TENM2: variants seen among roughly 807,000 people sequenced by gnomAD.
TENM2 encodes teneurin transmembrane protein 2, also known as teneurin-2.
In TENM2, 52 loss-of-function variants were observed where a neutral mutation model predicts 245.2. The ratio of observed to expected loss-of-function variants is 0.21; its 90% CI spans 0.17 to 0.27. The LOEUF is 0.27. Among genes scored for constraint, TENM2 ranks in the 10% least tolerant of loss-of-function variants. The pLI is 1.00. For missense variants in TENM2, 3,046 were observed against 3,666.8 expected, an observed-to-expected ratio of 0.83 and a Z score of 4.37; for synonymous variants, 1,363 against 1,438.9, an observed-to-expected ratio of 0.95 and a Z score of 1.19.
chr5:167,943,731 G>C (rs905812148), intron 3 of TENM2, among the ~76,000 whole-genome samples: 14 of 152,046 alleles, frequency 9.2e-5, no homozygotes, highest in South Asian at 2.1e-4. Flanking sequence ...ATAACGTCTG[G>C]GCATATTAAT....
In TENM2 at chr5:167,452,948, T is replaced by TATTTTAA. The variant is rs1554157744; in HGVS notation, c.502+77477_502+77478insTTTAAAT. Among the ~76,000 whole-genome samples, 271 of 47,528 alleles carry TATTTTAA rather than the reference T, an allele frequency of 5.7e-3. 24 individuals are homozygous for TATTTTAA. The highest frequency in any genetic ancestry group is 0.011 in the South Asian group (16 of 1,420). 31.2% of individuals were successfully genotyped at this position (47,528 alleles called of 152,430 possible). A position where few individuals can be genotyped will look rare whatever the true frequency, so the allele number is the denominator to read the frequency against. ...AGTATGATTTATATATATATATATA[T>TATTTTAA]ATATATATATATATTTAAAAAAAAA... On this transcript the variant is annotated intron_variant, in intron 2 of 28. Transcript: ENST00000518659.
At chr5:167,100,879 C>T in the TENM2 span, among the ~76,000 whole-genome samples, 1 of 152,154 alleles carries the variant, frequency 6.6e-6, no homozygotes, top group Non-Finnish European at 1.5e-5. Context: ...GATCTAAATA[C>T]TACAAGGTGA....
chr5:167,711,460 A>G (rs1582815934), intron 2 of TENM2, among the ~76,000 whole-genome samples: 2 of 152,122 alleles, frequency 1.3e-5, no homozygotes, highest in South Asian at 2.1e-4. Flanking sequence ...CAGCTAGTCA[A>G]TCTTCCCATC....
chr5:167,560,240 G>A (rs969095637), intron 2 of TENM2, among the ~76,000 whole-genome samples: 3 of 152,138 alleles, frequency 2.0e-5, no homozygotes, highest in Non-Finnish European at 2.9e-5. Flanking sequence ...TACATTGAAG[G>A]CTGTGGTCCC....
the TENM2 span, among the ~76,000 whole-genome samples, chr5:167,128,513 A>T: frequency 2.0e-4 from 30 of 151,642 alleles, no homozygotes; most frequent in East Asian, 5.1e-3. Flanking sequence ...TGGCCCACAG[A>T]TCTCACTTTG....
At chr5:167,290,520 T>A (rs986650371) in intron 1 of TENM2, among the ~76,000 whole-genome samples, 1 of 152,182 alleles carries the variant, frequency 6.6e-6, no homozygotes, top group African/African-American at 2.4e-5. Context: ...GCAACAGAAA[T>A]TTTTCTTTCC....
intron 2 of TENM2, among the ~76,000 whole-genome samples, chr5:167,425,758 C>CTGA (rs1292338176): frequency 1.3e-4 from 20 of 151,980 alleles, no homozygotes; most frequent in South Asian, 2.1e-4. Context: ...GCTGCTGCTG[C>CTGA]TGCTGATGAT....
At chr5:167,926,320 C>T (rs1409862416) in intron 3 of TENM2, among the ~76,000 whole-genome samples, 1 of 152,016 alleles carries the variant, frequency 6.6e-6, no homozygotes, top group East Asian at 1.9e-4. Flanking sequence ...TTAAATACTC[C>T]TCAACTTGTC....
intron 27 of TENM2, among the ~76,000 whole-genome samples, chr5:168,259,518 G>A (rs1767993872): frequency 6.6e-6 from 1 of 152,184 alleles, no homozygotes; most frequent in South Asian, 2.1e-4. Flanking sequence ...AACCTGGGAG[G>A]CGGAGTTTGC....
the TENM2 span, among the ~76,000 whole-genome samples, chr5:167,197,561 A>G: frequency 6.6e-6 from 1 of 152,034 alleles, no homozygotes; most frequent in Non-Finnish European, 1.5e-5. Flanking sequence ...TTTCATTGTA[A>G]ACTGCATTTG....
chr5:167,985,516 T>C (rs1783178303), intron 4 of TENM2, among the ~76,000 whole-genome samples: 1 of 152,216 alleles, frequency 6.6e-6, no homozygotes, highest in African/African-American at 2.4e-5. Context: ...GAACAACATG[T>C]CAGTCTGCTC....
the TENM2 span, among the ~76,000 whole-genome samples, chr5:167,066,265 G>A: frequency 6.6e-6 from 1 of 152,100 alleles, no homozygotes; most frequent in Non-Finnish European, 1.5e-5. Context: ...GTAGGATGGG[G>A]CATCAGTTAA....
rs551924865 is a variant in TENM2 at position 167,611,936 on chromosome 5, T to C, written c.502+236463T>C. Among the ~76,000 whole-genome samples, 8 of 152,234 alleles carry C rather than the reference T, an allele frequency of 5.3e-5. No individual in the cohort carries two copies. The South Asian group carries it at 1.7e-3, about 32-fold the overall frequency. The stretch of plus-strand genomic sequence containing the variant: ...ATTTTGGCGAGACACATTCAGACCA[T>C]AGCAAATGATAACAAGTCACATTTT... On this transcript the variant is annotated intron_variant, in intron 2 of 28. Transcript: ENST00000518659.
At chr5:167,224,630 T>C in the TENM2 span, among the ~76,000 whole-genome samples, 6 of 152,012 alleles carry the variant, frequency 3.9e-5, no homozygotes, top group African/African-American at 1.2e-4. Flanking sequence ...GTGATGTCTC[T>C]AGCCTTGTTC....
the TENM2 span, among the ~76,000 whole-genome samples, chr5:167,275,167 T>A: frequency 6.6e-6 from 1 of 152,086 alleles, no homozygotes; most frequent in South Asian, 2.1e-4. Context: ...TAAAAATCAG[T>A]TGGACATAGC....
At chr5:167,610,444 TG>T (rs1777399824) in intron 2 of TENM2, among the ~76,000 whole-genome samples, 1 of 152,156 alleles carries the variant, frequency 6.6e-6, no homozygotes, top group Non-Finnish European at 1.5e-5. Context: ...ATGATCTTTC[TG>T]GTGAACAGTC....
Position 168,123,136 on chromosome 5 carries a change from A to G in TENM2, c.2009-1714A>G, listed in dbSNP as rs68102428. Among the ~76,000 whole-genome samples, 26 of 32,910 alleles carry G rather than the reference A, an allele frequency of 7.9e-4. 1 individual carries two copies. Among genetic ancestry groups the G allele is most frequent in the African/African-American group, 1.3e-3 (11 of 8,630 alleles). 21.6% of individuals were successfully genotyped at this position (32,910 alleles called of 152,430 possible). On this transcript the variant is annotated intron_variant, in intron 10 of 28. Transcript: ENST00000518659. ...ACATAGCAAGACCCCATTTCTAGAG[A>G]AAAAAAAAAAAACATAGCTGGACAT...
chr5:168,032,532 G>C (rs961706314), intron 5 of TENM2, among the ~76,000 whole-genome samples: 2 of 152,130 alleles, frequency 1.3e-5, no homozygotes, highest in African/African-American at 4.8e-5. Context: ...TGTTAGTATT[G>C]CCCTGGAATA....
chr5:167,486,475 C>T (rs1768083375), intron 2 of TENM2, among the ~76,000 whole-genome samples: 1 of 151,858 alleles, frequency 6.6e-6, no homozygotes, highest in African/African-American at 2.4e-5. Context: ...ACTACAGGCA[C>T]CTGCCACCAC....
Sources: allele counts gnomAD v4.1 joint callset (sites outside exome capture counted in the v4.1 genomes callset), GRCh38; gene constraint gnomAD v4.1.1; transcripts MANE v1.5; gene names NCBI Gene and HGNC (gene_info 2026-07-23, HGNC 2026-07-21).